The following CASP5 variants were observed in gnomAD, a reference collection of about 807,000 sequenced individuals.
CASP5 encodes caspase 5.
In CASP5, 42 loss-of-function variants were observed where a neutral mutation model predicts 45.2. The ratio of observed to expected loss-of-function variants is 0.93; its 90% CI spans 0.73 to 1.20. The LOEUF (loss-of-function observed/expected upper bound fraction) is 1.20, where lower values mean the gene tolerates loss of function less well. Ranked by LOEUF, CASP5 falls within the 50% of genes most tolerant of loss-of-function variation. The pLI is 0.00. For synonymous variants in CASP5, 209 were observed against 186.2 expected, an observed-to-expected ratio of 1.12 and a Z score of -1.00; for missense variants, 512 against 532.2, an observed-to-expected ratio of 0.96 and a Z score of 0.37.
chr11:105,021,058 A>G (rs1313922209), intron 1 of CASP5, among the ~76,000 whole-genome samples: 1 of 152,096 alleles, frequency 6.6e-6, no homozygotes, highest in African/African-American at 2.4e-5. Flanking sequence ...AGCAATGCGG[A>G]AAGGATTCCC....
In CASP5 at chr11:105,008,959, C is replaced by CT. The variant is rs372526393; in HGVS notation, c.28dup (p.Arg10LysfsTer3). On this transcript the variant is annotated frameshift_variant, in exon 2 of 10. Transcript: ENST00000260315. LOFTEE classifies it high-confidence loss of function. ...GAACATAGCTTCAAAATTCTTACGC[C>CT]TTTTTTTTTTGCCACTGTCTTCTAT... The CT allele has an allele frequency of 1.7e-3, 2,181 of 1,315,376 alleles. No individual in the cohort carries two copies. Among genetic ancestry groups the CT allele is most frequent in the South Asian group, 1.9e-3 (144 of 74,114 alleles). The allele number at this position is 1,315,376 out of a possible 1,614,324, so 81.5% of individuals were successfully genotyped here.
At chr11:105,003,458 A>AGG (rs1022653454) in intron 3 of CASP5, 75 bp from the exon 4 acceptor site, 54 of 723,204 alleles carry the variant, frequency 7.5e-5, no homozygotes, top group Non-Finnish European at 1.2e-4. Flanking sequence ...ACTTTGAGAG[A>AGG]GAGAGAGAGA....
intron 8 of CASP5, among the ~76,000 whole-genome samples, chr11:104,996,219 T>C (rs3181331): frequency 0.026 from 3,913 of 152,238 alleles, 140 homozygotes; most frequent in African/African-American, 0.083. Flanking sequence ...TTAAGGAGAA[T>C]TAAATCCCAG....
At chr11:104,997,833 A>C (rs1861534327) in intron 7 of CASP5, among the ~76,000 whole-genome samples, 1 of 152,220 alleles carries the variant, frequency 6.6e-6, no homozygotes, top group Admixed American at 6.5e-5. Context: ...ATAGAAGCTC[A>C]GAAGGATGAA....
intron 1 of CASP5, among the ~76,000 whole-genome samples, chr11:105,018,828 C>G (rs1238203908): frequency 2.2e-4 from 31 of 142,614 alleles, no homozygotes; most frequent in Non-Finnish European, 3.1e-5. Flanking sequence ...ACAGAACTCT[C>G]CACCCCAAAT....
Position 105,006,175 on chromosome 11 carries a change from A to G in CASP5, c.433+908T>C, listed in dbSNP as rs113112888. On this transcript the variant is annotated intron_variant, in intron 3 of 9. Coordinates refer to ENST00000260315, the MANE Select transcript of CASP5 (RefSeq NM_004347.5). ...TAATACTGATAATTCAATCCGTGTC[A>G]AAAGTTTTGAAATGTTATAAAATTT... Among the ~76,000 whole-genome samples the G allele has an allele frequency of 2.7e-3, 412 of 152,316 alleles. 4 individuals are homozygous for G. The highest frequency in any genetic ancestry group is 9.3e-3 in the African/African-American group (388 of 41,574).
intron 1 of CASP5, among the ~76,000 whole-genome samples, chr11:105,018,564 T>A (rs1565394287): frequency 6.9e-6 from 1 of 144,574 alleles, no homozygotes; most frequent in Non-Finnish European, 1.5e-5. Flanking sequence ...AAGAAGGCCA[T>A]TACATAATGG....
At chr11:105,001,523 G>A (rs1390640241) in intron 5 of CASP5, among the ~76,000 whole-genome samples, 1 of 152,126 alleles carries the variant, frequency 6.6e-6, no homozygotes, top group Admixed American at 6.5e-5. Context: ...AAAATTAGCC[G>A]GGCGTGGTGG....
chr11:104,998,398 T>C lies in CASP5; in HGVS notation c.1096+487A>G, dbSNP rs1224895457. Among the ~76,000 whole-genome samples, 3 of 152,176 alleles carry C rather than the reference T, an allele frequency of 2.0e-5. 1 individual carries two copies. The South Asian group carries it at 6.2e-4, about 32-fold the overall frequency. On this transcript the variant is annotated intron_variant, in intron 7 of 9. Coordinates refer to ENST00000260315, the MANE Select transcript of CASP5 (RefSeq NM_004347.5). Reference sequence around the variant, plus strand: ...GACCTAATTAGCTCCACCCTAACATTTCTTACCTTTTTTAAAGCTCATTCA... The same window carrying C: ...GACCTAATTAGCTCCACCCTAACATCTCTTACCTTTTTTAAAGCTCATTCA...
At chr11:105,009,047 C>A in intron 1 of CASP5, 67 bp from the exon 2 acceptor site, 2 of 1,437,144 alleles carry the variant, frequency 1.4e-6, no homozygotes, top group South Asian at 1.2e-5. Context: ...TTGCTTTAGA[C>A]AAAGCTCTGT....
intron 9 of CASP5, among the ~76,000 whole-genome samples, chr11:104,994,556 A>C (rs1272800626): frequency 1.3e-5 from 2 of 152,192 alleles, no homozygotes; most frequent in East Asian, 3.8e-4. Flanking sequence ...CTCTTTTCCA[A>C]AGCACTGGAA....
intron 1 of CASP5, among the ~76,000 whole-genome samples, chr11:105,021,463 GA>G (rs1862956478): frequency 1.3e-5 from 2 of 149,730 alleles, no homozygotes; most frequent in South Asian, 2.1e-4. Flanking sequence ...AAATTTACAA[GA>G]AAAAAACAAA....
In CASP5 at chr11:105,017,406, G is replaced by A. The variant is rs1176443344; in HGVS notation, c.7+5724C>T. Among the ~76,000 whole-genome samples the A allele has an allele frequency of 2.6e-5, 4 of 152,030 alleles. No individual in the cohort carries two copies. In the South Asian group the frequency reaches 8.3e-4, roughly 32 times the overall value. ...CAAAGGCAAAGAAGTTGAAAACCTTGAAAAAAATTTAGAAGAATGTATAAC... is the reference window on the plus strand; with the variant it reads ...CAAAGGCAAAGAAGTTGAAAACCTTAAAAAAAATTTAGAAGAATGTATAAC... On this transcript the variant is annotated intron_variant, in intron 1 of 9. Transcript: ENST00000260315.
At chr11:104,996,244 G>A (rs914141603) in intron 8 of CASP5, among the ~76,000 whole-genome samples, 2 of 152,074 alleles carry the variant, frequency 1.3e-5, no homozygotes, top group Non-Finnish European at 2.9e-5. Context: ...TTGCTTTAAG[G>A]CCTGAACACT....
chr11:104,998,795 T>C lies in CASP5; in HGVS notation c.1096+90A>G. ...AGCACACACCATTCTCTCAGCTCAT[T>C]GTTGCATAGGGCCTATCTTGATTTC... On this transcript the variant is annotated intron_variant, in intron 7 of 9. Transcript: ENST00000260315. The C allele has an allele frequency of 9.4e-6, 12 of 1,271,884 alleles. No homozygotes were observed. The South Asian group carries it at 1.7e-4, about 18-fold the overall frequency. The allele number at this position is 1,271,884 out of a possible 1,614,324, so 78.8% of individuals were successfully genotyped here.
intron 7 of CASP5, 133 bp from the exon 8 acceptor site, chr11:104,997,625 G>A (rs1044222152): frequency 2.1e-5 from 11 of 526,356 alleles, no homozygotes; most frequent in Non-Finnish European, 3.4e-5. Context: ...CATTTACTTA[G>A]GTTTCACACA....
intron 1 of CASP5, among the ~76,000 whole-genome samples, chr11:105,022,629 T>C (rs1217479459): frequency 4.6e-5 from 7 of 152,016 alleles, no homozygotes; most frequent in Non-Finnish European, 1.0e-4. Context: ...ATTATAAGAG[T>C]TAGTACCAGG....
chr11:105,005,344 G>A (rs1383532503), intron 3 of CASP5, among the ~76,000 whole-genome samples: 1 of 132,120 alleles, frequency 7.6e-6, no homozygotes, highest in African/African-American at 3.3e-5. Flanking sequence ...GGTATATAGT[G>A]TGTATATATA....
intron 1 of CASP5, among the ~76,000 whole-genome samples, chr11:105,016,350 G>A (rs1017821244): frequency 6.6e-6 from 1 of 152,172 alleles, no homozygotes; most frequent in Non-Finnish European, 1.5e-5. Flanking sequence ...AGCTCCCAGC[G>A]TGAGCGAGCA....
Sources: allele counts gnomAD v4.1 joint callset (sites outside exome capture counted in the v4.1 genomes callset), GRCh38; gene constraint gnomAD v4.1.1; transcripts MANE v1.5; gene names NCBI Gene and HGNC (gene_info 2026-07-23, HGNC 2026-07-21).